SATL1: variants seen among roughly 807,000 people sequenced by gnomAD.
The protein encoded by SATL1 is spermidine/spermine N(1)-acetyltransferase-like protein 1.
A neutral mutation model predicts 51.8 loss-of-function variants in SATL1; 47 were observed. The ratio of observed to expected loss-of-function variants is 0.91; its 90% confidence interval spans 0.72 to 1.16. SATL1 has a LOEUF of 1.16. SATL1 is among the 50% of genes most tolerant of loss of function. The probability of loss-of-function intolerance (pLI) is 0.00; values close to 1 mark genes in which losing one functional copy is unlikely to be tolerated. For synonymous variants in SATL1, 176 were observed against 182.4 expected, an observed-to-expected ratio of 0.97 and a Z score of 0.28; for missense variants, 520 against 526.4, an observed-to-expected ratio of 0.99 and a Z score of 0.12.
chrX:85,107,489 G>T lies in SATL1; in HGVS notation c.1480C>A (p.Gln494Lys). 8.3e-7 allele frequency: 1 copy of T among 1,211,021 alleles called. No individual in the cohort carries two copies. The highest frequency in any genetic ancestry group is 1.1e-6 in the Non-Finnish European group (1 of 895,439). ...CTCAGCACTAATTGGTTCAGGTCTT[G>T]TTGGCTCAGGCCTGGCTGACTCGGC... ...PGPSQPGLSQ[Q>K]DLNQLVLSQP... is the part of the protein sequence containing the mutation. The change falls in exon 3 of 8, where the codon CAA (glutamine) becomes AAA (lysine). Residue 494 changes from glutamine (Q) to lysine (K), a missense_variant. Physicochemically the swap from Gln to Lys is moderately conservative, Grantham distance 53. Around this residue, in one of 3 missense-constraint regions of SATL1, gnomAD observed 488 missense variants for 474.3 expected, o/e 1.03. Transcript: ENST00000644105.
intron 2 of SATL1, among the ~76,000 whole-genome samples, chrX:85,175,376 T>C (rs1050929898): frequency 3.6e-5 from 4 of 111,477 alleles, no homozygotes. Flanking sequence ...TTTTATAACA[T>C]TGGAGTAGGA....
At chrX:85,166,550 G>T (rs1926839520) in intron 2 of SATL1, among the ~76,000 whole-genome samples, 1 of 111,187 alleles carries the variant, frequency 9.0e-6, no homozygotes, top group East Asian at 2.8e-4. Context: ...AATTATCAGA[G>T]AAATACAAAT....
intron 2 of SATL1, among the ~76,000 whole-genome samples, chrX:85,154,863 T>C (rs1370216793): frequency 8.9e-6 from 1 of 112,407 alleles, no homozygotes; most frequent in Admixed American, 9.5e-5. Flanking sequence ...TCATAAATTT[T>C]ATATTGGTAA....
intron 2 of SATL1, among the ~76,000 whole-genome samples, chrX:85,113,948 T>C (rs1301109404): frequency 9.0e-6 from 1 of 111,573 alleles, no homozygotes; most frequent in Non-Finnish European, 1.9e-5. Context: ...TTAGTAACCA[T>C]GTACAGGGAC....
chrX:85,236,442 A>G (rs144755390), intron 1 of SATL1, among the ~76,000 whole-genome samples: 2 of 111,528 alleles, frequency 1.8e-5, no homozygotes, highest in African/African-American at 6.5e-5. Context: ...AAAAATCCTC[A>G]AAATTCTAGT....
At position 85,200,916 on chromosome X, in the gene SATL1, A is replaced by G. The variant is rs913586331; in HGVS notation, c.-313+23289T>C. 2.7e-5 allele frequency among the ~76,000 whole-genome samples: 3 copies of G among 111,017 alleles called. No homozygotes were observed. The Admixed American group carries it at 2.9e-4, about 11-fold the overall frequency. ...TGCTGTCCCTATAAAAACTTAAAAC[A>G]TATGGTCTTTATTAGGTGTAGTGCC... On this transcript the variant is annotated intron_variant, in intron 2 of 7. Transcript: ENST00000644105.
intron 2 of SATL1, among the ~76,000 whole-genome samples, chrX:85,169,336 C>T (rs1342813844): frequency 9.0e-6 from 1 of 111,086 alleles, no homozygotes; most frequent in Admixed American, 9.6e-5. Context: ...AAGCAGATGA[C>T]CTATAGAATG....
At chrX:85,093,778 T>G (rs776034060) in intron 6 of SATL1, among the ~76,000 whole-genome samples, 2 of 111,849 alleles carry the variant, frequency 1.8e-5, no homozygotes. Context: ...GTGGGAGGAT[T>G]GCTTGAGTGT....
At chrX:85,179,510 T>C (rs991527501) in intron 2 of SATL1, among the ~76,000 whole-genome samples, 3 of 111,566 alleles carry the variant, frequency 2.7e-5, no homozygotes, top group Admixed American at 9.6e-5. Flanking sequence ...TCAGAACCTA[T>C]TGAATCACAG....
At chrX:85,110,622 G>C (rs905705738) in intron 2 of SATL1, among the ~76,000 whole-genome samples, 1 of 111,130 alleles carries the variant, frequency 9.0e-6, no homozygotes, top group Non-Finnish European at 1.9e-5. Context: ...GAGGAATGGG[G>C]ATGGGTATCC....
intron 2 of SATL1, chrX:85,211,667 G>A (rs767224944): frequency 9.0e-6 from 1 of 111,215 alleles, no homozygotes; most frequent in African/African-American, 3.3e-5. Context: ...TTAGAGTGGT[G>A]ACTGAAACGT....
At position 85,103,904 on chromosome X, in the gene SATL1, G is replaced by A; in HGVS notation, c.1653C>T (p.Ala551=). The A allele has an allele frequency of 8.4e-7, 1 of 1,186,060 alleles. No individual in the cohort carries two copies. Among genetic ancestry groups the A allele is most frequent in the East Asian group, 3.0e-5 (1 of 33,446 alleles). The change falls in exon 4 of 8, where the codon GCC becomes GCT. Residue 551 remains alanine (A), a synonymous_variant. Coordinates refer to ENST00000644105, the MANE Select transcript of SATL1 (RefSeq NM_001367857.2). ...CCATTGCATCTAGCATGTTTTCACA[G>A]GCAGCCAATTCCTGTCAAAGTAGAT... ...EILRLIKELA[A]CENMLDAMEL... is the part of the protein sequence containing the mutation.
intron 2 of SATL1, among the ~76,000 whole-genome samples, chrX:85,167,223 T>C (rs1323235944): frequency 4.2e-5 from 4 of 94,428 alleles, no homozygotes; most frequent in Admixed American, 2.5e-4. Flanking sequence ...GGATGATTGA[T>C]ATAATGAACT....
intron 2 of SATL1, among the ~76,000 whole-genome samples, chrX:85,192,211 T>C (rs1927455676): frequency 8.9e-6 from 1 of 111,966 alleles, no homozygotes; most frequent in Non-Finnish European, 1.9e-5. Flanking sequence ...ACTTTCACCA[T>C]TCATTCTCCA....
At chrX:85,169,071 T>C (rs200875391) in intron 2 of SATL1, among the ~76,000 whole-genome samples, 1 of 112,319 alleles carries the variant, frequency 8.9e-6, no homozygotes, top group East Asian at 2.8e-4. Context: ...GCTAGCCACA[T>C]GCAGAAGACT....
chrX:85,161,840 C>T (rs182948237), intron 2 of SATL1, among the ~76,000 whole-genome samples: 267 of 111,285 alleles, frequency 2.4e-3, no homozygotes, highest in African/African-American at 8.4e-3. Flanking sequence ...ACCTCTCCAT[C>T]CAAAACTAAC....
chrX:85,211,802 G>C (rs1364630753), intron 2 of SATL1: 1 of 111,758 alleles, frequency 8.9e-6, no homozygotes, highest in Non-Finnish European at 1.9e-5. Context: ...GAAATAGAAA[G>C]AGACTTGCTA....
chrX:85,185,511 A>G (rs930970024), intron 2 of SATL1, among the ~76,000 whole-genome samples: 1 of 110,760 alleles, frequency 9.0e-6, no homozygotes, highest in Non-Finnish European at 1.9e-5. Context: ...GATCTATTCT[A>G]CTGTAGCTGA....
At chrX:85,183,169 A>G (rs1927243388) in intron 2 of SATL1, among the ~76,000 whole-genome samples, 1 of 110,580 alleles carries the variant, frequency 9.0e-6, no homozygotes, top group African/African-American at 3.3e-5. Flanking sequence ...GTCTTGAAGG[A>G]TTTCCCTTAT....
Sources: allele counts gnomAD v4.1 joint callset (sites outside exome capture counted in the v4.1 genomes callset), GRCh38; gene constraint gnomAD v4.1.1; regional missense constraint gnomAD v4.1.1; transcripts MANE v1.5; gene names NCBI Gene and HGNC (gene_info 2026-07-23, HGNC 2026-07-21).